Variants in DIXDC1 observed in about 807,000 individuals in gnomAD.
The protein encoded by DIXDC1 is dixin.
A neutral mutation model predicts 103.1 loss-of-function variants in DIXDC1; 64 were observed. That is an observed-to-expected ratio of 0.62 (90% CI 0.51 to 0.76). DIXDC1 has a LOEUF of 0.76. DIXDC1 is among the 30% of genes least tolerant of loss of function. DIXDC1 has a pLI of 0.00. For synonymous variants in DIXDC1, 266 were observed against 298.5 expected (o/e 0.89, Z 1.12); for missense variants, 759 against 834.2 (o/e 0.91, Z 1.11).
chr11:112,006,174 T>C (rs377443728), intron 17 of DIXDC1, among the ~76,000 whole-genome samples: 8 of 152,140 alleles, frequency 5.3e-5, no homozygotes, highest in African/African-American at 1.9e-4. Flanking sequence ...CACAGAGCCT[T>C]GCTCACAGCT....
chr11:111,984,508 A>G (rs1566529916), intron 7 of DIXDC1, among the ~76,000 whole-genome samples: 1 of 152,208 alleles, frequency 6.6e-6, no homozygotes, highest in African/African-American at 2.4e-5. Context: ...ACCGCACTCC[A>G]ACCTGGGTGA....
chr11:111,996,823 G>A (rs1241109400), intron 17 of DIXDC1, among the ~76,000 whole-genome samples: 7 of 152,268 alleles, frequency 4.6e-5, no homozygotes, highest in East Asian at 1.9e-4. Context: ...GCACTCCAGC[G>A]TGGGTGACAG....
chr11:111,979,765 T>A, intron 5 of DIXDC1, among the ~76,000 whole-genome samples: 1 of 152,144 alleles, frequency 6.6e-6, no homozygotes, highest in East Asian at 1.9e-4. Context: ...GAGACCAGCC[T>A]GGGTAACACG....
At chr11:111,934,974 A>AT (rs1555167996), upstream of DIXDC1, among the ~76,000 whole-genome samples, 3 of 152,228 alleles carry the variant, frequency 2.0e-5, no homozygotes, top group Admixed American at 6.5e-5. Context: ...GTAGCCACGT[A>AT]TGGCCACTAT....
At chr11:111,940,218 C>T (rs1966372561) in intron 1 of DIXDC1, among the ~76,000 whole-genome samples, 1 of 152,254 alleles carries the variant, frequency 6.6e-6, no homozygotes, top group East Asian at 1.9e-4. Context: ...AGAGTTTTCT[C>T]TTACCGCATT....
intron 5 of DIXDC1, among the ~76,000 whole-genome samples, chr11:111,978,632 A>ATGCGTCTG (rs1860197469): frequency 6.6e-6 from 1 of 152,180 alleles, no homozygotes; most frequent in South Asian, 2.1e-4. Context: ...GGAGCTGAGC[A>ATGCGTCTG]TGCGTCTGTG....
chr11:111,946,257 T>C (rs1175248129), intron 1 of DIXDC1, among the ~76,000 whole-genome samples: 1 of 152,120 alleles, frequency 6.6e-6, no homozygotes, highest in Non-Finnish European at 1.5e-5. Context: ...CACAGGCGCC[T>C]ACCACTGTGC....
intron 1 of DIXDC1, among the ~76,000 whole-genome samples, chr11:111,955,216 G>C (rs1555170454): frequency 1.3e-5 from 2 of 151,402 alleles, no homozygotes. Context: ...TGCACCTGTA[G>C]TTTCAGCTAC....
intron 9 of DIXDC1, 141 bp downstream of exon 9, chr11:111,987,065 A>C: frequency 1.9e-6 from 1 of 536,980 alleles, no homozygotes; most frequent in Non-Finnish European, 3.2e-6. Flanking sequence ...CCTGGCTAAC[A>C]TGGTGAAACC....
rs377589250 is a variant in DIXDC1 at position 111,931,512 on chromosome 11, G to A, written c.57+1602G>A. On this transcript the variant is annotated intron_variant, in intron 2 of 5. Coordinates refer to the DIXDC1 transcript ENST00000529225. ...ACAAAAATTAGCTGGACGTGGTGGC[G>A]GACGCCTGTAATCCCAGCTGCTCGA... is the stretch of plus-strand genomic sequence containing the variant. 7.2e-5 allele frequency among the ~76,000 whole-genome samples: 11 copies of A among 152,074 alleles called. No homozygotes were observed. In the East Asian group the frequency reaches 7.7e-4, roughly 11 times the overall value.
chr11:111,974,673 AG>A (rs1860040766), intron 4 of DIXDC1, among the ~76,000 whole-genome samples: 1 of 152,200 alleles, frequency 6.6e-6, no homozygotes. Context: ...AAGAGAGAGC[AG>A]GACCCTGAGG....
chr11:111,937,094 T>G, upstream of DIXDC1: 1 of 383,896 alleles, frequency 2.6e-6, no homozygotes, highest in Non-Finnish European at 3.5e-6. Context: ...TGTGTGTGTG[T>G]GTAGCGCACG....
At position 111,995,446 on chromosome 11, in the gene DIXDC1, G is replaced by A. The variant is rs782795755; in HGVS notation, c.1571G>A (p.Arg524His). ...QLVRDALRSLRNSFSGHDPQH... is the reference protein window; with the variant it reads ...QLVRDALRSLHNSFSGHDPQH... Reference sequence around the variant, plus strand: ...GTTCGAGATGCTCTCCGCAGCCTGCGCAACAGCTTCAGTGGCCACGATCCT... The same window carrying A: ...GTTCGAGATGCTCTCCGCAGCCTGCACAACAGCTTCAGTGGCCACGATCCT... The change falls in exon 16 of 20, where the codon CGC (arginine) becomes CAC (histidine). Residue 524 changes from arginine to histidine, a missense_variant. Around this residue, in one of 3 missense-constraint regions of DIXDC1, gnomAD observed 657 missense variants for 727.5 expected, o/e 0.90. Coordinates refer to ENST00000440460, the MANE Select transcript of DIXDC1 (RefSeq NM_001037954.4). 10 of 1,613,484 alleles carry A rather than the reference G, an allele frequency of 6.2e-6. No homozygotes were observed. The highest frequency in any genetic ancestry group is 3.3e-5 in the South Asian group (3 of 91,064).
chr11:111,994,910 C>A, intron 14 of DIXDC1, 109 bp from the exon 15 acceptor site: 1 of 1,031,524 alleles, frequency 9.7e-7, no homozygotes, highest in Non-Finnish European at 1.4e-6. Context: ...ATTAAACAGA[C>A]AATTATATAC....
chr11:111,932,807 C>G (rs1966073287), upstream of DIXDC1, among the ~76,000 whole-genome samples: 1 of 152,160 alleles, frequency 6.6e-6, no homozygotes, highest in African/African-American at 2.4e-5. Context: ...TTTTACTAGT[C>G]TTCCTTTTAC....
chr11:111,989,351 G>A (rs753986176), intron 10 of DIXDC1, among the ~76,000 whole-genome samples: 1 of 152,152 alleles, frequency 6.6e-6, no homozygotes, highest in Non-Finnish European at 1.5e-5. Flanking sequence ...AGGGCCGGGC[G>A]CGGTGGCTCA....
At chr11:111,984,983 T>C (rs1555173655) in intron 7 of DIXDC1, among the ~76,000 whole-genome samples, 1 of 152,196 alleles carries the variant, frequency 6.6e-6, no homozygotes, top group East Asian at 1.9e-4. Flanking sequence ...GATTTTCTTC[T>C]GGGGCCAAGG....
At chr11:112,001,659 C>T (rs1861068715) in intron 17 of DIXDC1, among the ~76,000 whole-genome samples, 1 of 152,038 alleles carries the variant, frequency 6.6e-6, no homozygotes, top group African/African-American at 2.4e-5. Flanking sequence ...AAACAGGCAC[C>T]TACAAGGAGA....
rs782372180 is a variant in DIXDC1 at position 111,995,388 on chromosome 11, T to G, written c.1528-15T>G. ...GCACCGTGCCATGCCAGCAACACCT[T>G]ATTTTTGCCCACAGACCAGCGACCT... On this transcript the variant is annotated splice_polypyrimidine_tract_variant and intron_variant, in intron 15 of 19. Coordinates refer to ENST00000440460, the MANE Select transcript of DIXDC1 (RefSeq NM_001037954.4). 1 of 1,609,676 alleles carries G rather than the reference T, an allele frequency of 6.2e-7. No individual in the cohort carries two copies. Among genetic ancestry groups the G allele is most frequent in the East Asian group, 2.2e-5 (1 of 44,888 alleles).
Sources: allele counts gnomAD v4.1 joint callset (sites outside exome capture counted in the v4.1 genomes callset), GRCh38; gene constraint gnomAD v4.1.1; regional missense constraint gnomAD v4.1.1; transcripts MANE v1.5; gene names NCBI Gene and HGNC (gene_info 2026-07-23, HGNC 2026-07-21).